Variants in TOPBP1 observed in about 807,000 individuals in gnomAD.
TOPBP1 encodes the protein DNA topoisomerase II binding protein 1.
A neutral mutation model predicts 167.7 loss-of-function variants in TOPBP1; 28 were observed. The observed-to-expected ratio is 0.17, with a 90% CI of 0.12 to 0.23. The LOEUF is 0.23. Among genes scored for constraint, TOPBP1 ranks in the 10% least tolerant of loss-of-function variants. TOPBP1 has a pLI of 1.00. For missense variants in TOPBP1, 1,554 were observed against 1,809.6 expected, an observed-to-expected ratio of 0.86 and a Z score of 2.56; for synonymous variants, 598 against 611.4, an observed-to-expected ratio of 0.98 and a Z score of 0.32.
chr3:133,636,418 A>G (rs952138165), intron 14 of TOPBP1, among the ~76,000 whole-genome samples: 3 of 152,086 alleles, frequency 2.0e-5, no homozygotes, highest in African/African-American at 7.2e-5. Context: ...ATCTGATTAT[A>G]AGATTATAGA....
At chr3:133,660,894 A>G in intron 2 of TOPBP1, 150 bp downstream of exon 2, 1 of 558,910 alleles carries the variant, frequency 1.8e-6, no homozygotes, top group Non-Finnish European at 3.0e-6. Flanking sequence ...CAATTCAAAA[A>G]TATGTGATAA....
intron 23 of TOPBP1, among the ~76,000 whole-genome samples, chr3:133,613,590 A>G (rs1934755110): frequency 6.6e-6 from 1 of 152,202 alleles, no homozygotes; most frequent in African/African-American, 2.4e-5. Context: ...AAACACACAC[A>G]GATAAATAAG....
intron 23 of TOPBP1, among the ~76,000 whole-genome samples, chr3:133,613,886 C>T (rs573458445): frequency 1.1e-3 from 162 of 151,662 alleles, no homozygotes; most frequent in Non-Finnish European, 1.9e-3. Flanking sequence ...CTCTGCTTCC[C>T]GGGTTCAAGC....
chr3:133,659,096 C>T lies in TOPBP1; in HGVS notation c.139G>A (p.Ala47Thr), dbSNP rs201074661. The T allele has an allele frequency of 1.3e-6, 2 of 1,589,602 alleles. No individual in the cohort carries two copies. The highest frequency in any genetic ancestry group is 1.7e-6 in the Non-Finnish European group (2 of 1,167,190). ...EYLQIITEEE[A>T]LKIKENDRSL... The stretch of plus-strand genomic sequence containing the variant: ...CTATCATTCTCCTTTATCTTCAATG[C>T]CTCTTCTTCTGTAATAATCTGAAGA... Residue 47 changes from alanine (A) to threonine (T), a missense_variant, in exon 3 of 28, where the codon GCA (alanine) becomes ACA (threonine). Physicochemically the swap from Ala to Thr is moderately conservative, Grantham distance 58 (BLOSUM62 0). This residue lies in a region of TOPBP1 where 1,197 missense variants were observed against 1,351.5 expected (regional missense o/e 0.89). Coordinates refer to ENST00000260810, the MANE Select transcript of TOPBP1 (RefSeq NM_007027.4).
At chr3:133,605,641 A>G (rs1934466591) in intron 27 of TOPBP1, among the ~76,000 whole-genome samples, 1 of 151,858 alleles carries the variant, frequency 6.6e-6, no homozygotes, top group Non-Finnish European at 1.5e-5. Context: ...CTCAATCTGG[A>G]AAAAAAAATC....
At chr3:133,612,273 C>T (rs778274560) in intron 24 of TOPBP1, 116 bp downstream of exon 24, 44 of 1,165,240 alleles carry the variant, frequency 3.8e-5, no homozygotes, top group Non-Finnish European at 4.7e-5. Flanking sequence ...CTCCTGATCT[C>T]AGGTGATCCA....
At chr3:133,633,180 G>A (rs1045116838) in intron 14 of TOPBP1, among the ~76,000 whole-genome samples, 12 of 152,016 alleles carry the variant, frequency 7.9e-5, no homozygotes, top group Non-Finnish European at 1.5e-4. Context: ...TTCAAAAATC[G>A]TTGTTTACAC....
chr3:133,623,934 G>T, intron 17 of TOPBP1, 118 bp downstream of exon 17: 1 of 1,258,026 alleles, frequency 7.9e-7, no homozygotes, highest in Non-Finnish European at 1.1e-6. Context: ...AGTTAACCAA[G>T]ACTATTAAAC....
rs1936002842 is a variant in TOPBP1 at position 133,644,308 on chromosome 3, G to A, written c.1560C>T (p.Pro520=). Residue 520 remains proline (P), a synonymous_variant, in exon 11 of 28, where the codon CCC becomes CCT. Transcript: ENST00000260810. ...RPFNDSTHAE[P]LNDSTHISLQ... ...AAGAAATGTGAGTAGAATCATTCAAGGGCTCAGCATGAGTAGAATCATTAA... is the reference window on the plus strand; with the variant it reads ...AAGAAATGTGAGTAGAATCATTCAAAGGCTCAGCATGAGTAGAATCATTAA... The A allele has an allele frequency of 6.2e-7, 1 of 1,611,446 alleles. No individual in the cohort carries two copies. The highest frequency in any genetic ancestry group is 2.2e-5 in the East Asian group (1 of 44,844).
At chr3:133,604,667 T>A (rs1187090859) in intron 27 of TOPBP1, among the ~76,000 whole-genome samples, 1 of 151,706 alleles carries the variant, frequency 6.6e-6, no homozygotes, top group African/African-American at 2.4e-5. Flanking sequence ...ACGCCTGTAA[T>A]CTCAGCACTT....
chr3:133,601,219 T>C lies in TOPBP1; in HGVS notation c.*31A>G. On this transcript the variant is annotated 3_prime_UTR_variant, in exon 28 of 28. Transcript: ENST00000260810. The stretch of plus-strand genomic sequence containing the variant: ...TCAGGCTTTCAATTTTTAAAAACAT[T>C]TAATGTTTGGTAACTAAAGGGTAGA... 1 of 1,566,164 alleles carries C rather than the reference T, an allele frequency of 6.4e-7. No homozygotes were observed. The highest frequency in any genetic ancestry group is 8.6e-7 in the Non-Finnish European group (1 of 1,162,744).
chr3:133,634,512 T>C (rs1935600582), intron 14 of TOPBP1, among the ~76,000 whole-genome samples: 1 of 151,842 alleles, frequency 6.6e-6, no homozygotes, highest in Non-Finnish European at 1.5e-5. Context: ...CGAGACTCTG[T>C]CTTAAAAAAA....
chr3:133,607,675 A>G (rs1379636613), intron 27 of TOPBP1, among the ~76,000 whole-genome samples: 1 of 152,174 alleles, frequency 6.6e-6, no homozygotes, highest in Non-Finnish European at 1.5e-5. Context: ...CAATAGGAAA[A>G]TGAATCAACT....
chr3:133,624,212 GAAACATCC>G, intron 16 of TOPBP1, 37 bp from the exon 17 acceptor site: 1 of 1,602,424 alleles, frequency 6.2e-7, no homozygotes, highest in Non-Finnish European at 8.5e-7. Context: ...ATAACCAAGA[GAAACATCC>G]TCATTAGTTT....
intron 14 of TOPBP1, among the ~76,000 whole-genome samples, chr3:133,636,615 T>C (rs1935687119): frequency 6.6e-6 from 1 of 152,222 alleles, no homozygotes. Flanking sequence ...TTTATTGCAA[T>C]GTATCTATAT....
chr3:133,659,777 T>TAG (rs1280701658), intron 2 of TOPBP1, among the ~76,000 whole-genome samples: 47 of 152,128 alleles, frequency 3.1e-4, no homozygotes, highest in Middle Eastern at 3.4e-3. Context: ...TATATATATA[T>TAG]AGTTTTTGTC....
chr3:133,658,814 C>A (rs1936576283), intron 3 of TOPBP1, among the ~76,000 whole-genome samples: 1 of 151,950 alleles, frequency 6.6e-6, no homozygotes, highest in Non-Finnish European at 1.5e-5. Flanking sequence ...CTCCAAAAAA[C>A]AAAAACAAAA....
Position 133,623,426 on chromosome 3 carries a change from G to C in TOPBP1, c.2960C>G (p.Ser987Cys). 9 of 1,612,308 alleles carry C rather than the reference G, an allele frequency of 5.6e-6. No individual in the cohort carries two copies. Among genetic ancestry groups the C allele is most frequent in the Non-Finnish European group, 7.6e-6 (9 of 1,179,080 alleles). Residue 987 changes from serine to cysteine, a missense_variant, in exon 18 of 28, where the codon TCT (serine) becomes TGT (cysteine). By Grantham distance (112) the Ser-to-Cys change is moderately radical. Transcript: ENST00000260810. ...GGGATTATAAGTATGTGGATAAAGA[G>C]ATTCAGGAAGATGTTTACACTCTTG... Reference protein sequence around the residue: ...CAQECKHLPESLYPHTYNPKM... With the variant: ...CAQECKHLPECLYPHTYNPKM...
In TOPBP1 at chr3:133,614,786, G is replaced by A. The variant is rs143278812; in HGVS notation, c.3871+2028C>T. ...AAACAAAGTGTTTTGTATGAGTAAA[G>A]TTTCTAAGAAGAAACAGTTTTTCCA... On this transcript the variant is annotated intron_variant, in intron 23 of 27. Coordinates refer to ENST00000260810, the MANE Select transcript of TOPBP1 (RefSeq NM_007027.4). 1.7e-3 allele frequency among the ~76,000 whole-genome samples: 240 copies of A among 144,764 alleles called. 1 individual carries two copies. The highest frequency in any genetic ancestry group is 5.6e-3 in the African/African-American group (222 of 39,694). The allele number at this position is 144,764 out of a possible 152,430, so 95.0% of individuals were successfully genotyped here.
Sources: gnomAD v4.1 joint callset for allele counts (sites outside exome capture counted in the v4.1 genomes callset) on GRCh38, gnomAD v4.1.1 for gene constraint, gnomAD v4.1.1 regional missense constraint, MANE v1.5 for transcripts, NCBI Gene and HGNC (gene_info 2026-07-23, HGNC 2026-07-21) for gene names.